Variants in CDH20 observed in about 807,000 individuals in gnomAD.
CDH20 encodes the protein cadherin 20.
In CDH20, 29 loss-of-function variants were observed where a neutral mutation model predicts 74.2. The ratio of observed to expected loss-of-function variants is 0.39; its 90% CI spans 0.29 to 0.53. The LOEUF (loss-of-function observed/expected upper bound fraction) is 0.53, where lower values mean the gene tolerates loss of function less well. Among genes scored for constraint, CDH20 ranks in the 20% least tolerant of loss-of-function variants. The pLI, the probability that CDH20 is intolerant of heterozygous loss-of-function variation, is 0.69. For synonymous variants in CDH20, 469 were observed against 405.4 expected (o/e 1.16, Z -1.88); for missense variants, 988 against 1,048.3 (o/e 0.94, Z 0.79).
chr18:61,346,883 C>T (rs968693306), intron 1 of CDH20, among the ~76,000 whole-genome samples: 34 of 152,060 alleles, frequency 2.2e-4, no homozygotes, highest in African/African-American at 7.5e-4. Context: ...TTGGAAGTTG[C>T]TCTTATTCCC....
chr18:61,540,947 T>A (rs1488683296), intron 9 of CDH20, among the ~76,000 whole-genome samples: 1 of 152,210 alleles, frequency 6.6e-6, no homozygotes. Flanking sequence ...TTTGGTGCAA[T>A]GGTCTATAGC....
intron 1 of CDH20, among the ~76,000 whole-genome samples, chr18:61,397,823 T>C (rs752343939): frequency 5.3e-5 from 8 of 152,210 alleles, no homozygotes; most frequent in Non-Finnish European, 1.0e-4. Context: ...AGAGTAATTA[T>C]GAGAATTAAA....
chr18:61,547,511 T>C (rs907478920), intron 10 of CDH20, among the ~76,000 whole-genome samples: 8 of 152,214 alleles, frequency 5.3e-5, no homozygotes, highest in African/African-American at 1.9e-4. Context: ...TATAGTACTT[T>C]ACAGTTTCAA....
At chr18:61,507,904 A>G (rs560881940) in intron 6 of CDH20, among the ~76,000 whole-genome samples, 61 of 152,326 alleles carry the variant, frequency 4.0e-4, no homozygotes, top group African/African-American at 1.4e-3. Context: ...CTTGAATAAC[A>G]TATGCATTGT....
At chr18:61,434,079 C>T (rs1395185149) in intron 1 of CDH20, among the ~76,000 whole-genome samples, 1 of 152,074 alleles carries the variant, frequency 6.6e-6, no homozygotes, top group African/African-American at 2.4e-5. Context: ...GCCCTTTATA[C>T]TGTGACATAT....
intron 1 of CDH20, among the ~76,000 whole-genome samples, chr18:61,358,353 C>T (rs552597790): frequency 6.6e-6 from 1 of 152,094 alleles, no homozygotes; most frequent in Non-Finnish European, 1.5e-5. Flanking sequence ...ATCTCCTGAC[C>T]TCGTGATCCT....
At chr18:61,479,714 T>C (rs973729576) in intron 1 of CDH20, among the ~76,000 whole-genome samples, 1 of 152,146 alleles carries the variant, frequency 6.6e-6, no homozygotes, top group Admixed American at 6.6e-5. Context: ...CAATAATTTA[T>C]CCAAATCCTG....
chr18:61,362,546 T>TA (rs1218387048), intron 1 of CDH20, among the ~76,000 whole-genome samples: 5 of 152,038 alleles, frequency 3.3e-5, no homozygotes, highest in Admixed American at 6.6e-5. Context: ...ATAATAAATA[T>TA]AAAAAATAAC....
At chr18:61,491,005 T>G (rs682451) in intron 2 of CDH20, among the ~76,000 whole-genome samples, 151,082 of 152,286 alleles carry the variant, frequency 0.99, 74,959 homozygotes, top group Middle Eastern at 1. Flanking sequence ...CATGTCTCTG[T>G]TATGAATGGG....
intron 1 of CDH20, among the ~76,000 whole-genome samples, chr18:61,385,136 T>C (rs1019081467): frequency 2.6e-5 from 4 of 152,168 alleles, no homozygotes; most frequent in Non-Finnish European, 5.9e-5. Context: ...CAAATTTTAT[T>C]TGTAGTAGAA....
At chr18:61,544,971 G>T in intron 9 of CDH20, 56 bp from the exon 10 acceptor site, 1 of 1,145,794 alleles carries the variant, frequency 8.7e-7, no homozygotes. Context: ...ATTTAACTGG[G>T]CCCTGGTGCT....
chr18:61,447,805 G>A (rs570015704), intron 1 of CDH20, among the ~76,000 whole-genome samples: 5 of 152,170 alleles, frequency 3.3e-5, no homozygotes, highest in East Asian at 3.9e-4. Flanking sequence ...CCGTGTTGCC[G>A]ACTCTCACAT....
intron 1 of CDH20, among the ~76,000 whole-genome samples, chr18:61,410,483 C>A (rs1912458640): frequency 1.3e-5 from 2 of 152,096 alleles, no homozygotes; most frequent in African/African-American, 4.8e-5. Context: ...TTCCCAGAAC[C>A]CCAAATCAAT....
chr18:61,500,255 T>C, intron 3 of CDH20, 128 bp from the exon 4 acceptor site: 2 of 888,134 alleles, frequency 2.3e-6, no homozygotes, highest in Non-Finnish European at 3.4e-6. Flanking sequence ...TATGGAAGCT[T>C]GACCTAGAAA....
chr18:61,478,772 A>G (rs1269382978), intron 1 of CDH20, among the ~76,000 whole-genome samples: 1 of 152,176 alleles, frequency 6.6e-6, no homozygotes, highest in Non-Finnish European at 1.5e-5. Context: ...GAAAGTGGCA[A>G]TAAAGAACGG....
chr18:61,512,166 A>C (rs1911807132), intron 6 of CDH20, among the ~76,000 whole-genome samples: 1 of 152,230 alleles, frequency 6.6e-6, no homozygotes, highest in Non-Finnish European at 1.5e-5. Context: ...AGGACCCCAC[A>C]CTGATTACTA....
At chr18:61,484,945 G>C (rs1910707753) in intron 1 of CDH20, among the ~76,000 whole-genome samples, 1 of 152,172 alleles carries the variant, frequency 6.6e-6, no homozygotes, top group African/African-American at 2.4e-5. Flanking sequence ...TGGTGGGAAG[G>C]AGAGGGAAAA....
chr18:61,459,465 G>A (rs1909693879), intron 1 of CDH20, among the ~76,000 whole-genome samples: 1 of 152,120 alleles, frequency 6.6e-6, no homozygotes, highest in African/African-American at 2.4e-5. Flanking sequence ...AGATACTAAT[G>A]CTAAGTCCTA....
intron 1 of CDH20, among the ~76,000 whole-genome samples, chr18:61,442,523 C>T (rs2075424004): frequency 6.6e-6 from 1 of 152,078 alleles, no homozygotes; most frequent in South Asian, 2.1e-4. Context: ...AACAAGTACT[C>T]ACTTATAATT....
Sources: allele counts gnomAD v4.1 joint callset (sites outside exome capture counted in the v4.1 genomes callset), GRCh38; gene constraint gnomAD v4.1.1; transcripts MANE v1.5; gene names NCBI Gene and HGNC (gene_info 2026-07-23, HGNC 2026-07-21).